The following CSMD1 variants were observed in gnomAD, a reference collection of about 807,000 sequenced individuals.
CSMD1 encodes CUB and Sushi multiple domains 1, also known as CUB and sushi domain-containing protein 1.
Under a neutral mutation model 417.5 loss-of-function variants are expected in CSMD1, and 213 were observed. The observed-to-expected ratio is 0.51, with a 90% confidence interval of 0.46 to 0.57. The LOEUF is 0.57. CSMD1 is among the 20% of genes least tolerant of loss of function. The pLI is 0.00. For synonymous variants in CSMD1, 2,862 were observed against 1,736.8 expected (o/e 1.65, Z -16.11); for missense variants, 6,923 against 4,529.7 (o/e 1.53, Z -15.17).
chr8:3,585,606 A>G (rs777619871), intron 9 of CSMD1, among the ~76,000 whole-genome samples: 15 of 152,204 alleles, frequency 9.9e-5, no homozygotes, highest in Non-Finnish European at 1.5e-4. Context: ...CGTATGTTTT[A>G]TTAGAAAATG....
intron 5 of CSMD1, among the ~76,000 whole-genome samples, chr8:3,789,560 A>G (rs1487327856): frequency 6.6e-6 from 1 of 151,298 alleles, no homozygotes; most frequent in Admixed American, 6.6e-5. Flanking sequence ...AAAGTAATAT[A>G]TTCACTCACT....
Position 4,788,426 on chromosome 8 carries a change from G to T in CSMD1, c.86-150868C>A, listed in dbSNP as rs190028350. The T allele has an allele frequency of 7.8e-4, 1,045 of 1,340,602 alleles. 1 individual carries two copies. The highest frequency in any genetic ancestry group is 9.9e-4 in the Non-Finnish European group (929 of 936,356). 83.0% of individuals were successfully genotyped at this position (1,340,602 alleles called of 1,614,324 possible). Reference sequence around the variant, plus strand: ...CTTCTCTTTGACTACCCAGGGTCTTGGCTGTTCAACCACACTTTCTCCAGA... The same window carrying T: ...CTTCTCTTTGACTACCCAGGGTCTTTGCTGTTCAACCACACTTTCTCCAGA... On this transcript the variant is annotated intron_variant, in intron 1 of 69. Coordinates refer to ENST00000635120, the MANE Select transcript of CSMD1 (RefSeq NM_033225.6).
chr8:4,861,750 C>T (rs889363310), intron 1 of CSMD1, among the ~76,000 whole-genome samples: 16 of 152,052 alleles, frequency 1.1e-4, no homozygotes, highest in Admixed American at 9.2e-4. Context: ...AAAGGATGTA[C>T]ATTTTGAACA....
intron 26 of CSMD1, among the ~76,000 whole-genome samples, chr8:3,252,714 C>T (rs1034727048): frequency 2.0e-5 from 3 of 152,124 alleles, no homozygotes; most frequent in African/African-American, 7.2e-5. Context: ...GGTTGGTAAG[C>T]TATTAATTAT....
At chr8:4,006,803 GA>G (rs1384409058) in intron 4 of CSMD1, among the ~76,000 whole-genome samples, 1 of 149,450 alleles carries the variant, frequency 6.7e-6, no homozygotes, top group Non-Finnish European at 1.5e-5. Context: ...TTGTCGCTGA[GA>G]GAATCCAGGA....
At chr8:4,408,097 A>C (rs1331531095) in intron 3 of CSMD1, among the ~76,000 whole-genome samples, 1 of 152,144 alleles carries the variant, frequency 6.6e-6, no homozygotes, top group Non-Finnish European at 1.5e-5. Context: ...GCTTCACAAA[A>C]AGTTTATGCC....
intron 10 of CSMD1, among the ~76,000 whole-genome samples, chr8:3,517,683 T>C (rs932764897): frequency 2.2e-4 from 33 of 152,192 alleles, no homozygotes; most frequent in African/African-American, 8.0e-4. Context: ...ATTTTTCACT[T>C]GTAGACACAA....
At chr8:3,305,712 C>T (rs1248289791) in intron 25 of CSMD1, among the ~76,000 whole-genome samples, 2 of 152,202 alleles carry the variant, frequency 1.3e-5, no homozygotes, top group Admixed American at 1.3e-4. Context: ...GACACAGTCT[C>T]ACTGTTGCCC....
chr8:3,674,210 T>A (rs1256766870), intron 7 of CSMD1, among the ~76,000 whole-genome samples: 2 of 152,190 alleles, frequency 1.3e-5, no homozygotes, highest in Non-Finnish European at 2.9e-5. Flanking sequence ...GTCTCTAGAA[T>A]TATCAAAAGC....
chr8:4,403,526 G>A (rs1000538971), intron 3 of CSMD1, among the ~76,000 whole-genome samples: 3 of 152,130 alleles, frequency 2.0e-5, no homozygotes, highest in Non-Finnish European at 4.4e-5. Flanking sequence ...TCATGACTTA[G>A]TATCATTCGC....
intron 3 of CSMD1, among the ~76,000 whole-genome samples, chr8:4,402,221 T>A (rs1353742982): frequency 6.6e-6 from 1 of 152,148 alleles, no homozygotes; most frequent in Non-Finnish European, 1.5e-5. Context: ...CTCTTATCTC[T>A]GTTTTGGGGG....
intron 49 of CSMD1, among the ~76,000 whole-genome samples, chr8:3,069,143 G>C (rs958614650): frequency 3.3e-5 from 5 of 152,094 alleles, no homozygotes; most frequent in African/African-American, 7.2e-5. Context: ...TTGGCCAAGA[G>C]AAAGGGGCTG....
At chr8:4,001,114 G>A (rs779721800) in intron 4 of CSMD1, among the ~76,000 whole-genome samples, 1 of 151,862 alleles carries the variant, frequency 6.6e-6, no homozygotes, top group East Asian at 1.9e-4. Context: ...TCGATGAGCT[G>A]AATCACTTTC....
chr8:4,927,022 C>G (rs1806914588), intron 1 of CSMD1, among the ~76,000 whole-genome samples: 1 of 151,668 alleles, frequency 6.6e-6, no homozygotes, highest in Non-Finnish European at 1.5e-5. Context: ...CATCCCGTAT[C>G]TAAAAGACAT....
At chr8:3,288,845 C>CT (rs1261734797) in intron 25 of CSMD1, among the ~76,000 whole-genome samples, 2 of 146,600 alleles carry the variant, frequency 1.4e-5, no homozygotes, top group Non-Finnish European at 2.9e-5. Context: ...TATTATTATA[C>CT]TTTAAGTTTT....
chr8:4,954,467 G>C (rs778978670), intron 1 of CSMD1, among the ~76,000 whole-genome samples: 31 of 152,106 alleles, frequency 2.0e-4, no homozygotes, highest in Non-Finnish European at 3.7e-4. Context: ...TGATTTGAAT[G>C]ATGACTGAAA....
intron 1 of CSMD1, among the ~76,000 whole-genome samples, chr8:4,858,896 A>C (rs1037098264): frequency 4.0e-5 from 6 of 150,812 alleles, no homozygotes; most frequent in Non-Finnish European, 7.4e-5. Context: ...GACTTTCTTC[A>C]CAGAATTGGA....
intron 5 of CSMD1, among the ~76,000 whole-genome samples, chr8:3,796,129 A>C (rs1262272265): frequency 1.3e-4 from 1 of 7,416 alleles, no homozygotes; most frequent in Non-Finnish European, 2.7e-4. Flanking sequence ...AGATATAGAT[A>C]TATATCTATC....
chr8:4,089,227 G>C (rs997155162), intron 3 of CSMD1, among the ~76,000 whole-genome samples: 3 of 152,126 alleles, frequency 2.0e-5, no homozygotes, highest in African/African-American at 4.8e-5. Flanking sequence ...AGCTCCATAA[G>C]GACATGGGTC....
Sources: allele counts gnomAD v4.1 joint callset (sites outside exome capture counted in the v4.1 genomes callset), GRCh38; gene constraint gnomAD v4.1.1; transcripts MANE v1.5; gene names NCBI Gene and HGNC (gene_info 2026-07-23, HGNC 2026-07-21).